The following DPM1 variants were observed in gnomAD, a reference collection of about 807,000 sequenced individuals.
DPM1 encodes dolichyl-phosphate mannosyltransferase subunit 1, catalytic, also known as dolichol-phosphate mannosyltransferase subunit 1.
In DPM1, 27 loss-of-function variants were observed where a neutral mutation model predicts 39.0. That is an observed-to-expected ratio of 0.69 (90% confidence interval 0.51 to 0.95). The LOEUF is 0.95. DPM1 is among the 40% of genes least tolerant of loss of function. The probability of loss-of-function intolerance (pLI) is 0.00; values close to 1 mark genes in which losing one functional copy is unlikely to be tolerated. For synonymous variants in DPM1, 124 were observed against 109.0 expected (o/e 1.14, Z -0.86); for missense variants, 307 against 315.6 (o/e 0.97, Z 0.21).
At chr20:50,941,131 G>A (rs967282390) in intron 6 of DPM1, 198 bp from the exon 7 acceptor site, 5 of 621,178 alleles carry the variant, frequency 8.0e-6, no homozygotes, top group Middle Eastern at 2.6e-4. Flanking sequence ...GCTCACACCT[G>A]TAATCCCAGG....
Position 50,936,246 on chromosome 20 carries a change from CTTCTTTTCGGTA to C in DPM1, c.568_579del (p.Tyr190_Glu193del). The C allele has an allele frequency of 6.2e-7, 1 of 1,606,098 alleles. No homozygotes were observed. Among genetic ancestry groups the C allele is most frequent in the South Asian group, 1.1e-5 (1 of 90,870 alleles). On this transcript the variant is annotated inframe_deletion, in exon 8 of 9. Coordinates refer to ENST00000371588, the MANE Select transcript of DPM1 (RefSeq NM_003859.3). ...CATTTTTCTATTAATTTCTCTAGAA[CTTCTTTTCGGTA>C]TAATCTGTAAGAAATTAAAAATATA...
intron 2 of DPM1, among the ~76,000 whole-genome samples, chr20:50,954,719 C>T (rs1986741205): frequency 6.6e-6 from 1 of 152,142 alleles, no homozygotes; most frequent in Non-Finnish European, 1.5e-5. Flanking sequence ...GCCAAGTACT[C>T]TAAGAAGTCA....
intron 7 of DPM1, among the ~76,000 whole-genome samples, chr20:50,939,405 G>A (rs760766403): frequency 6.6e-6 from 1 of 151,310 alleles, no homozygotes; most frequent in Non-Finnish European, 1.5e-5. Context: ...CCACTCTACT[G>A]CCCAGGCTGG....
rs747779473 is a variant in DPM1, at chr20:50,958,394, C to A, written c.130G>T (p.Val44Leu). The A allele has an allele frequency of 1.2e-6, 2 of 1,613,970 alleles. No individual in the cohort carries two copies. The highest frequency in any genetic ancestry group is 1.7e-5 in the Admixed American group (1 of 60,028). Residue 44 changes from valine to leucine, a missense_variant, in exon 1 of 9, where the codon GTG (valine) becomes TTG (leucine). Val to Leu is a conservative substitution (Grantham distance 32, BLOSUM62 1). Coordinates refer to ENST00000371588, the MANE Select transcript of DPM1 (RefSeq NM_003859.3). ...GAGAAGCTTTTCACCAGCAGCCACA[C>A]GATGAGCGGCAGGTTCTCGCGCTCG... ...YNERENLPLI[V>L]WLLVKSFSES...
chr20:50,955,627 T>C (rs2123144548), intron 1 of DPM1, among the ~76,000 whole-genome samples: 1 of 152,346 alleles, frequency 6.6e-6, no homozygotes, highest in Non-Finnish European at 1.5e-5. Context: ...TGGAATGCAG[T>C]GGCGCAGTCT....
rs924867842 is a variant in DPM1 at position 50,935,996 on chromosome 20, GA to G, written c.678+151del. On this transcript the variant is annotated intron_variant, in intron 8 of 8. Transcript: ENST00000371588. ...TCTTACTGTTCAAATGTACTAATAT[GA>G]ATTTTTACCCTTTGTGCATGAATAT... 1.1e-4 allele frequency: 72 copies of G among 647,892 alleles called. 1 individual carries two copies. Among genetic ancestry groups the G allele is most frequent in the Admixed American group, 3.3e-4 (13 of 39,632 alleles). The allele number at this position is 647,892 out of a possible 1,614,324, so 40.1% of individuals were successfully genotyped here.
At chr20:50,936,287 C>A in intron 7 of DPM1, 25 bp from the exon 8 acceptor site, 1 of 1,452,092 alleles carries the variant, frequency 6.9e-7, no homozygotes, top group South Asian at 1.2e-5. Context: ...AAATATATAT[C>A]AACTTCTGGA....
At chr20:50,935,761 T>C (rs1985096903) in intron 8 of DPM1, among the ~76,000 whole-genome samples, 6 of 152,212 alleles carry the variant, frequency 3.9e-5, no homozygotes, top group Admixed American at 3.9e-4. Flanking sequence ...CCTTGCTCTG[T>C]AATTCCTGGT....
intron 7 of DPM1, 72 bp downstream of exon 7, chr20:50,940,793 C>G (rs1985659996): frequency 8.3e-7 from 1 of 1,202,888 alleles, no homozygotes; most frequent in Admixed American, 1.7e-5. Flanking sequence ...TGTAAAGTGT[C>G]TCTTTAAAAT....
intron 2 of DPM1, among the ~76,000 whole-genome samples, chr20:50,953,504 G>T (rs1447536383): frequency 2.0e-5 from 3 of 151,128 alleles, no homozygotes; most frequent in Admixed American, 6.6e-5. Context: ...GATTAATACT[G>T]TTTTTTTTTA....
At chr20:50,941,278 CATATA>C (rs1328652892) in intron 6 of DPM1, 33 of 117,144 alleles carry the variant, frequency 2.8e-4, no homozygotes, top group South Asian at 5.8e-4. Context: ...AAAATACATT[CATATA>C]ATATATATAC....
chr20:50,935,293 C>T (rs1477415807), intron 8 of DPM1, 57 bp from the exon 9 acceptor site: 6 of 1,017,890 alleles, frequency 5.9e-6, no homozygotes, highest in Non-Finnish European at 4.7e-6. Context: ...GCAGCTTAGC[C>T]GGTATACCAC....
At chr20:50,940,828 A>C (rs758999022) in intron 7 of DPM1, 37 bp downstream of exon 7, 18 of 1,478,400 alleles carry the variant, frequency 1.2e-5, no homozygotes, top group Non-Finnish European at 1.7e-5. Flanking sequence ...AAGTTAGCCA[A>C]GAAGTTATAT....
At chr20:50,941,117 G>T in intron 6 of DPM1, 184 bp from the exon 7 acceptor site, 1 of 675,122 alleles carries the variant, frequency 1.5e-6, no homozygotes, top group Non-Finnish European at 2.5e-6. Context: ...GGCTAGGCGC[G>T]GTGGCTCACA....
chr20:50,941,291 T>C (rs867289295), intron 6 of DPM1: 33 of 152,426 alleles, frequency 2.2e-4, no homozygotes, highest in Admixed American at 1.3e-3. Context: ...ATAATATATA[T>C]ACACATTCAT....
Position 50,935,033 on chromosome 20 carries a change from A to G in DPM1, c.*99T>C, listed in dbSNP as rs1985025061. ...AGATGCATGAAATTTACCTTACCTT[A>G]TATTTTATACTTTAAGAGTACATTT... On this transcript the variant is annotated 3_prime_UTR_variant, in exon 9 of 9. Coordinates refer to ENST00000371588, the MANE Select transcript of DPM1 (RefSeq NM_003859.3). 8 of 713,138 alleles carry G rather than the reference A, an allele frequency of 1.1e-5. No individual in the cohort carries two copies. The highest frequency in any genetic ancestry group is 5.2e-5 in the East Asian group (2 of 38,136). 44.2% of individuals were successfully genotyped at this position (713,138 alleles called of 1,614,324 possible). A position where few individuals can be genotyped will look rare whatever the true frequency, so the allele number is the denominator to read the frequency against.
intron 2 of DPM1, among the ~76,000 whole-genome samples, chr20:50,951,284 A>C (rs1314521978): frequency 2.0e-5 from 3 of 152,244 alleles, no homozygotes; most frequent in African/African-American, 7.2e-5. Context: ...TTATGGAGCC[A>C]TTAACAGAAA....
At chr20:50,944,507 C>T (rs6096199) in intron 5 of DPM1, 14,372 of 152,280 alleles carry the variant, frequency 0.094, 1,850 homozygotes, top group African/African-American at 0.29. Flanking sequence ...AACTCAGAAG[C>T]ATGCTATGGC....
At position 50,955,264 on chromosome 20, in the gene DPM1, TA is replaced by T. The variant is rs777816615; in HGVS notation, c.182del (p.Ile61LysfsTer3). ...FSESGINYEI[I>X]IIDDGSPDGT... The stretch of plus-strand genomic sequence containing the variant: ...CATCTGGGCTTCCATCATCTATGAT[TA>T]TAATTTCATAGTTGATTCCACTAAA... On this transcript the variant is annotated frameshift_variant, in exon 2 of 9. Transcript: ENST00000371588. LOFTEE classifies it high-confidence loss of function. The T allele has an allele frequency of 3.1e-6, 5 of 1,612,354 alleles. No homozygotes were observed. The highest frequency in any genetic ancestry group is 3.3e-5 in the Admixed American group (2 of 60,006).
Sources: gnomAD v4.1 joint callset for allele counts (sites outside exome capture counted in the v4.1 genomes callset) on GRCh38, gnomAD v4.1.1 for gene constraint, MANE v1.5 for transcripts, NCBI Gene and HGNC (gene_info 2026-07-23, HGNC 2026-07-21) for gene names.